Variants in ARAP2 observed in about 807,000 individuals in gnomAD.
The protein encoded by ARAP2 is ArfGAP with RhoGAP domain, ankyrin repeat and PH domain 2.
In ARAP2, 148 loss-of-function variants were observed where a neutral mutation model predicts 194.5. The observed-to-expected ratio is 0.76, with a 90% CI of 0.67 to 0.87. The LOEUF (loss-of-function observed/expected upper bound fraction) is 0.87. Ranked by LOEUF, ARAP2 falls within the 40% of genes least tolerant of loss-of-function variation. ARAP2 has a pLI of 0.00. For synonymous variants in ARAP2, 695 were observed against 683.5 expected, an observed-to-expected ratio of 1.02 and a Z score of -0.26; for missense variants, 2,128 against 1,989.7, an observed-to-expected ratio of 1.07 and a Z score of -1.32.
In ARAP2 at chr4:36,027,878, C is replaced by G. The variant is rs1718201017; in HGVS notation, n.608-8592G>C. On this transcript the variant is annotated intron_variant and non_coding_transcript_variant, in intron 5 of 12. Coordinates refer to the ARAP2 transcript ENST00000503225. Reference sequence around the variant, plus strand: ...CTTCAAAAGCATTAAGTGAGGGTGCCTTTTAAGCATGAATAGCTGTGTGAC... The same window carrying G: ...CTTCAAAAGCATTAAGTGAGGGTGCGTTTTAAGCATGAATAGCTGTGTGAC... Among the ~76,000 whole-genome samples the G allele has an allele frequency of 3.3e-5, 5 of 152,202 alleles. No individual in the cohort carries two copies. The South Asian group carries it at 1.0e-3, about 32-fold the overall frequency.
At chr4:36,052,303 A>C (rs1446940039) in intron 2 of ARAP2, among the ~76,000 whole-genome samples, 2 of 152,250 alleles carry the variant, frequency 1.3e-5, no homozygotes, top group African/African-American at 4.8e-5. Context: ...GAATGAAAGA[A>C]GCAAGTTATT....
In ARAP2 at chr4:36,066,590, A is replaced by G. The variant is rs1725513404; in HGVS notation, c.*1317T>C. 6.6e-6 allele frequency: 1 copy of G among 152,108 alleles called. No individual in the cohort carries two copies. The highest frequency in any genetic ancestry group is 1.5e-5 in the Non-Finnish European group (1 of 68,032). The allele number at this position is 152,108 out of a possible 1,614,324, so 9.4% of individuals were successfully genotyped here. A position where few individuals can be genotyped will look rare whatever the true frequency, so the allele number is the denominator to read the frequency against. ...AATGCTAAAAAAAAAAAACTTAGCTACATAATGTTTAATATCAAAACTCAC... is the reference window on the plus strand; with the variant it reads ...AATGCTAAAAAAAAAAAACTTAGCTGCATAATGTTTAATATCAAAACTCAC... On this transcript the variant is annotated 3_prime_UTR_variant, in exon 33 of 33. Transcript: ENST00000303965.
chr4:36,048,421 A>C (rs554992658), intron 3 of ARAP2, among the ~76,000 whole-genome samples: 1 of 152,154 alleles, frequency 6.6e-6, no homozygotes, highest in African/African-American at 2.4e-5. Context: ...TATGTCTATG[A>C]GTACCAAAGG....
intron 1 of ARAP2, among the ~76,000 whole-genome samples, chr4:36,238,290 GATA>G (rs534279291): frequency 1.3e-5 from 2 of 152,196 alleles, no homozygotes; most frequent in South Asian, 4.2e-4. Context: ...GAATGACATT[GATA>G]ATAATAATAA....
chr4:36,154,624 A>T (rs1045173539), intron 15 of ARAP2, among the ~76,000 whole-genome samples: 1 of 152,238 alleles, frequency 6.6e-6, no homozygotes, highest in Non-Finnish European at 1.5e-5. Context: ...AAAAGGAAAA[A>T]AAAAAGAAAG....
intron 1 of ARAP2, among the ~76,000 whole-genome samples, chr4:36,243,454 T>G (rs1753970050): frequency 6.6e-6 from 1 of 151,370 alleles, no homozygotes; most frequent in Admixed American, 6.6e-5. Flanking sequence ...GATGTCATTA[T>G]TCCACACAAA....
chr4:36,014,332 A>G (rs868834673), intron 8 of ARAP2, among the ~76,000 whole-genome samples: 691 of 58,654 alleles, frequency 0.012, 22 homozygotes, highest in African/African-American at 0.028. Context: ...GAGAGAAAGA[A>G]AGAAAGAAAG....
intron 19 of ARAP2, among the ~76,000 whole-genome samples, chr4:36,138,452 G>A (rs113197569): frequency 5.3e-5 from 8 of 151,698 alleles, no homozygotes; most frequent in African/African-American, 1.7e-4. Flanking sequence ...AGCTTCATAG[G>A]AATGGAATTA....
chr4:36,013,249 C>T (rs565111249), intron 8 of ARAP2, among the ~76,000 whole-genome samples: 271 of 152,222 alleles, frequency 1.8e-3, no homozygotes, highest in Non-Finnish European at 3.2e-3. Context: ...GAATTTTATA[C>T]GGTGGCTTCT....
intron 9 of ARAP2, among the ~76,000 whole-genome samples, chr4:36,174,463 A>G (rs1042349641): frequency 2.0e-5 from 3 of 152,110 alleles, no homozygotes; most frequent in African/African-American, 7.2e-5. Flanking sequence ...GCCATTTTCT[A>G]CTCTAACAAA....
At chr4:36,048,042 T>G (rs1722104700) in intron 3 of ARAP2, among the ~76,000 whole-genome samples, 1 of 152,216 alleles carries the variant, frequency 6.6e-6, no homozygotes, top group Admixed American at 6.5e-5. Flanking sequence ...TGGATTCTTA[T>G]GGATAGTGCT....
At chr4:36,143,672 T>C (rs145581938) in intron 19 of ARAP2, among the ~76,000 whole-genome samples, 1 of 151,914 alleles carries the variant, frequency 6.6e-6, no homozygotes, top group East Asian at 1.9e-4. Context: ...GACAGAAGCA[T>C]GTGATAATAT....
intron 9 of ARAP2, among the ~76,000 whole-genome samples, chr4:36,009,312 AT>A (rs1191177014): frequency 5.3e-5 from 8 of 152,208 alleles, no homozygotes; most frequent in Non-Finnish European, 1.0e-4. Context: ...AGTAGATTGT[AT>A]TTTTAAAATG....
rs183553816 is a variant in ARAP2 at position 36,143,030 on chromosome 4, T to C, written c.3263+4266A>G. On this transcript the variant is annotated intron_variant, in intron 19 of 32. Coordinates refer to ENST00000303965, the MANE Select transcript of ARAP2 (RefSeq NM_015230.4). ...CTGCTCCTTTTTCCACTATTTCCTA[T>C]ATGATGTCTATGTAGTCACAGAATA... is the stretch of plus-strand genomic sequence containing the variant. 3.8e-4 allele frequency among the ~76,000 whole-genome samples: 58 copies of C among 151,910 alleles called. 1 individual carries two copies. In the Admixed American group the frequency reaches 3.8e-3, roughly 10 times the overall value.
intron 1 of ARAP2, among the ~76,000 whole-genome samples, chr4:36,235,029 A>G (rs1462120350): frequency 6.6e-6 from 1 of 152,190 alleles, no homozygotes. Context: ...CCAGCTTACC[A>G]TATCACTCAA....
chr4:36,171,399 T>C (rs1327716478), intron 9 of ARAP2, among the ~76,000 whole-genome samples: 3 of 151,980 alleles, frequency 2.0e-5, no homozygotes, highest in Non-Finnish European at 4.4e-5. Context: ...AAACCATCAT[T>C]CTCAGCAAAC....
At chr4:36,115,892 G>A (rs563247461) in intron 25 of ARAP2, among the ~76,000 whole-genome samples, 19 of 152,018 alleles carry the variant, frequency 1.2e-4, no homozygotes, top group East Asian at 9.8e-4. Flanking sequence ...TAAACACACC[G>A]GATAACATAA....
intron 5 of ARAP2, among the ~76,000 whole-genome samples, chr4:36,037,620 G>A (rs1000584411): frequency 4.6e-5 from 7 of 152,082 alleles, no homozygotes; most frequent in African/African-American, 1.4e-4. Flanking sequence ...CTAAAACTAA[G>A]CAGGTTGGAT....
intron 8 of ARAP2, among the ~76,000 whole-genome samples, chr4:36,181,478 T>G (rs1324308319): frequency 6.6e-6 from 1 of 152,088 alleles, no homozygotes; most frequent in African/African-American, 2.4e-5. Context: ...GCATACTCCT[T>G]AATAACAAGG....
Sources: gnomAD v4.1 joint callset for allele counts (sites outside exome capture counted in the v4.1 genomes callset) on GRCh38, gnomAD v4.1.1 for gene constraint, MANE v1.5 for transcripts, NCBI Gene and HGNC (gene_info 2026-07-23, HGNC 2026-07-21) for gene names.